Variants in EXD3 observed in about 807,000 individuals in gnomAD.
The protein encoded by EXD3 is exonuclease mut-7 homolog.
In EXD3, 92 loss-of-function variants were observed where a neutral mutation model predicts 98.0. That is an observed-to-expected ratio of 0.94 (90% confidence interval 0.79 to 1.12). The LOEUF is 1.12. Among genes scored for constraint, EXD3 ranks in the 50% most tolerant of loss-of-function variants. The probability of loss-of-function intolerance (pLI) is 0.00; values close to 1 mark genes in which losing one functional copy is unlikely to be tolerated. For missense variants in EXD3, 1,222 were observed against 1,191.6 expected, an observed-to-expected ratio of 1.03 and a Z score of -0.38; for synonymous variants, 569 against 526.0, an observed-to-expected ratio of 1.08 and a Z score of -1.12.
Position 137,371,950 on chromosome 9 carries a change from A to C in EXD3, c.462+955T>G, listed in dbSNP as rs1483805083. On this transcript the variant is annotated intron_variant, in intron 5 of 21. Coordinates refer to ENST00000340951, the MANE Select transcript of EXD3 (RefSeq NM_017820.5). The surrounding 1 kb of genome is among the most constrained non-coding windows in gnomAD (Gnocchi z 8.0). ...CCCACTGCAGGCCCCACTGCTCCCTACTGTTCCACACAAACCCAAGTCACA... is the reference window on the plus strand; with the variant it reads ...CCCACTGCAGGCCCCACTGCTCCCTCCTGTTCCACACAAACCCAAGTCACA... 6.6e-6 allele frequency among the ~76,000 whole-genome samples: 1 copy of C among 151,782 alleles called. No homozygotes were observed. Among genetic ancestry groups the C allele is most frequent in the East Asian group, 1.9e-4 (1 of 5,156 alleles).
In EXD3 at chr9:137,352,348, G is replaced by C. The variant is rs907552275; in HGVS notation, c.1038-147C>G. 5.0e-6 allele frequency: 6 copies of C among 1,196,904 alleles called. No homozygotes were observed. In the African/African-American group the frequency reaches 6.0e-5, roughly 12 times the overall value. 74.1% of individuals were successfully genotyped at this position (1,196,904 alleles called of 1,614,324 possible). A position where few individuals can be genotyped will look rare whatever the true frequency, so the allele number is the denominator to read the frequency against. On this transcript the variant is annotated intron_variant, in intron 11 of 21. Transcript: ENST00000340951. ...TCCCACACCGGCTCAGTCCAGCCCA[G>C]CGTGACCCTTGCTCCTGCCTCTCCT...
rs769902588 is a variant in EXD3, at chr9:137,373,045, C to T, written c.322G>A (p.Ala108Thr). 1.3e-6 allele frequency: 2 copies of T among 1,593,902 alleles called. No homozygotes were observed. The highest frequency in any genetic ancestry group is 1.1e-5 in the South Asian group (1 of 89,154). Residue 108 changes from alanine (A) to threonine (T), a missense_variant, in exon 5 of 22, where the codon GCC becomes ACC. Physicochemically the swap from Ala to Thr is moderately conservative, Grantham distance 58. Transcript: ENST00000340951. ...TCAGTGAGGACTTTGACCGCTCGGG[C>T]CTGCAGCTGCTTCAGCCTCAGGCTG... ...QHSLRLKQLQ[A>T]RAVKVLTESP...
intron 20 of EXD3, 54 bp downstream of exon 20, chr9:137,309,553 A>T: frequency 7.1e-7 from 1 of 1,416,228 alleles, no homozygotes; most frequent in Non-Finnish European, 9.7e-7. Flanking sequence ...CTACCTCAGT[A>T]GGTCGACCCA....
intron 19 of EXD3, among the ~76,000 whole-genome samples, chr9:137,312,047 G>A (rs958587884): frequency 6.6e-6 from 1 of 152,182 alleles, no homozygotes; most frequent in African/African-American, 2.4e-5. Flanking sequence ...GCACTCGGCG[G>A]GCCAGGACTC....
intron 1 of EXD3, among the ~76,000 whole-genome samples, chr9:137,411,218 G>A (rs775553093): frequency 4.7e-4 from 71 of 152,208 alleles, no homozygotes; most frequent in Admixed American, 1.0e-3. Context: ...AGGCGTGGGA[G>A]GGGCACGCAC....
intron 1 of EXD3, among the ~76,000 whole-genome samples, chr9:137,410,960 G>A (rs571757028): frequency 9.2e-5 from 14 of 151,958 alleles, no homozygotes; most frequent in Middle Eastern, 6.8e-3. Context: ...AGGTCCAGGC[G>A]TCTCAGGGGA....
intron 17 of EXD3, among the ~76,000 whole-genome samples, chr9:137,336,079 C>G (rs760837385): frequency 6.6e-6 from 1 of 152,164 alleles, no homozygotes; most frequent in Non-Finnish European, 1.5e-5. Flanking sequence ...TAAGTGGGAA[C>G]TAACCTATGG....
rs370293169 is a variant in EXD3, at chr9:137,352,713, G to C, written c.944C>G (p.Thr315Arg). ...QLLVSHSDPV[T>R]AAQCAMELLL... Reference sequence around the variant, plus strand: ...GAGTTCCATGGCACACTGGGCGGCCGTGACTGGGTCACTGTGGGAGACCAG... The same window carrying C: ...GAGTTCCATGGCACACTGGGCGGCCCTGACTGGGTCACTGTGGGAGACCAG... The change falls in exon 11 of 22, where the codon ACG (threonine) becomes AGG (arginine). Residue 315 changes from threonine (T) to arginine (R), a missense_variant. By Grantham distance (71) the Thr-to-Arg change is moderately conservative. Coordinates refer to ENST00000340951, the MANE Select transcript of EXD3 (RefSeq NM_017820.5). 3.6e-5 allele frequency: 56 copies of C among 1,569,442 alleles called. No homozygotes were observed. In the African/African-American group the frequency reaches 6.6e-4, roughly 19 times the overall value.
At chr9:137,394,017 CAGG>C (rs1588415300) in intron 2 of EXD3, among the ~76,000 whole-genome samples, 1 of 152,220 alleles carries the variant, frequency 6.6e-6, no homozygotes, top group East Asian at 1.9e-4. Context: ...GAGCCCCTGC[CAGG>C]AGGCTTCCCG....
At position 137,383,308 on chromosome 9, in the gene EXD3, C is replaced by T; in HGVS notation, c.120+5G>A. 1 of 1,549,464 alleles carries T rather than the reference C, an allele frequency of 6.5e-7. No individual in the cohort carries two copies. Among genetic ancestry groups the T allele is most frequent in the East Asian group, 2.4e-5 (1 of 40,896 alleles). Reference sequence around the variant, plus strand: ...TGGCACGTGGTGGCTGCCACGTCCACTCACCTGCTTCCGCTCCCGCGTGGA... The same window carrying T: ...TGGCACGTGGTGGCTGCCACGTCCATTCACCTGCTTCCGCTCCCGCGTGGA... On this transcript the variant is annotated splice_donor_5th_base_variant and intron_variant, in intron 3 of 21. Coordinates refer to ENST00000340951, the MANE Select transcript of EXD3 (RefSeq NM_017820.5).
chr9:137,376,686 T>C (rs1407666404), intron 3 of EXD3, among the ~76,000 whole-genome samples: 1 of 152,022 alleles, frequency 6.6e-6, no homozygotes, highest in African/African-American at 2.4e-5. Context: ...TCCTAGCACT[T>C]TGGGAGGCCA....
In EXD3 at chr9:137,407,995, G is replaced by A. The variant is rs11507671; in HGVS notation, c.-47-12591C>T. ...CCTCCGGGGGTCTCCCCAGCCTCATGCCTCTGGGGATCTCCCACCCTCATG... is the reference window on the plus strand; with the variant it reads ...CCTCCGGGGGTCTCCCCAGCCTCATACCTCTGGGGATCTCCCACCCTCATG... On this transcript the variant is annotated intron_variant, in intron 1 of 21. Transcript: ENST00000340951. The surrounding 1 kb of genome is among the most constrained non-coding windows in gnomAD (Gnocchi z 4.4). Among the ~76,000 whole-genome samples, 503 of 152,170 alleles carry A rather than the reference G, an allele frequency of 3.3e-3. 4 individuals are homozygous for A. Among genetic ancestry groups the A allele is most frequent in the African/African-American group, 0.012 (484 of 41,516 alleles).
intron 17 of EXD3, among the ~76,000 whole-genome samples, chr9:137,327,772 T>A (rs997460411): frequency 7.6e-6 from 1 of 132,092 alleles, no homozygotes; most frequent in African/African-American, 2.9e-5. Flanking sequence ...TCCCATAGGA[T>A]GAGTAAAAAC....
chr9:137,408,505 C>G (rs1837843134), intron 1 of EXD3, among the ~76,000 whole-genome samples: 1 of 142,320 alleles, frequency 7.0e-6, no homozygotes, highest in Non-Finnish European at 1.5e-5. Context: ...CGAGATCGCA[C>G]CACTACACTC....
At chr9:137,366,390 G>A (rs751488333) in intron 7 of EXD3, 103 bp downstream of exon 7, 1 of 1,471,206 alleles carries the variant, frequency 6.8e-7, no homozygotes, top group South Asian at 1.2e-5. Context: ...AACTTCCTGG[G>A]GAGAGCTCTC....
chr9:137,376,518 G>A (rs1006959409), intron 3 of EXD3, among the ~76,000 whole-genome samples: 6 of 152,100 alleles, frequency 3.9e-5, no homozygotes, highest in Non-Finnish European at 7.4e-5. Flanking sequence ...AAGTGTGCCT[G>A]CTGGAGTTTC....
At chr9:137,321,011 G>T (rs1484338203) in intron 19 of EXD3, among the ~76,000 whole-genome samples, 1 of 152,210 alleles carries the variant, frequency 6.6e-6, no homozygotes, top group Non-Finnish European at 1.5e-5. Flanking sequence ...TGCCACCTGA[G>T]GCAGAGGCCG....
intron 1 of EXD3, among the ~76,000 whole-genome samples, chr9:137,409,099 G>A (rs527801825): frequency 6.6e-5 from 10 of 152,298 alleles, no homozygotes; most frequent in African/African-American, 2.4e-5. Flanking sequence ...GGACGTGCCC[G>A]GGGGGTGAGG....
chr9:137,337,879 C>G (rs1833444332), intron 17 of EXD3, among the ~76,000 whole-genome samples: 1 of 151,858 alleles, frequency 6.6e-6, no homozygotes, highest in Non-Finnish European at 1.5e-5. Context: ...GCTCCACCTC[C>G]CGGGTTCATG....
Sources: allele counts gnomAD v4.1 joint callset (sites outside exome capture counted in the v4.1 genomes callset), GRCh38; gene constraint gnomAD v4.1.1; non-coding constraint Gnocchi (gnomAD v3.1); transcripts MANE v1.5; gene names NCBI Gene and HGNC (gene_info 2026-07-23, HGNC 2026-07-21).